Variants in SNX31 observed in about 807,000 individuals in gnomAD.
The protein encoded by SNX31 is sorting nexin-31.
A neutral mutation model predicts 65.4 loss-of-function variants in SNX31; 58 were observed. The ratio of observed to expected loss-of-function variants is 0.89; its 90% confidence interval spans 0.72 to 1.10. The LOEUF is 1.10. Ranked by LOEUF, SNX31 falls within the 50% of genes least tolerant of loss-of-function variation. The pLI, the probability that SNX31 is intolerant of heterozygous loss-of-function variation, is 0.00. For missense variants in SNX31, 523 were observed against 529.7 expected (o/e 0.99, Z 0.12); for synonymous variants, 181 against 190.1 (o/e 0.95, Z 0.39).
Position 100,641,599 on chromosome 8 carries a change from C to CATATAT in SNX31, c.142-5589_142-5588insATATAT, listed in dbSNP as rs61328718. On this transcript the variant is annotated intron_variant, in intron 2 of 13. Coordinates refer to ENST00000311812, the MANE Select transcript of SNX31 (RefSeq NM_152628.4). The stretch of plus-strand genomic sequence containing the variant: ...ATATATATATATATATATATATACA[C>CATATAT]ATACACACACACACGCACACACGCG... 7.9e-4 allele frequency among the ~76,000 whole-genome samples: 50 copies of CATATAT among 63,360 alleles called. 1 individual carries two copies. The highest frequency in any genetic ancestry group is 1.0e-3 in the Non-Finnish European group (36 of 35,272). 41.6% of individuals were successfully genotyped at this position (63,360 alleles called of 152,430 possible).
chr8:100,582,767 G>A (rs1427967866), intron 12 of SNX31, among the ~76,000 whole-genome samples: 1 of 151,858 alleles, frequency 6.6e-6, no homozygotes, highest in East Asian at 1.9e-4. Context: ...CATGAGGTCA[G>A]GAGATCGAGA....
Position 100,609,006 on chromosome 8 carries a change from C to T in SNX31, c.612-443G>A, listed in dbSNP as rs1298853084. Reference sequence around the variant, plus strand: ...AGCCTCCTTTCCAGGCTTTCTGTCTCAGCCATGTGCCCTTAATCTGATGCT... The same window carrying T: ...AGCCTCCTTTCCAGGCTTTCTGTCTTAGCCATGTGCCCTTAATCTGATGCT... On this transcript the variant is annotated intron_variant, in intron 7 of 13. Transcript: ENST00000311812. The surrounding 1 kb of genome is among the most constrained non-coding windows in gnomAD (Gnocchi z 4.9). Among the ~76,000 whole-genome samples, 2 of 152,212 alleles carry T rather than the reference C, an allele frequency of 1.3e-5. No homozygotes were observed. The highest frequency in any genetic ancestry group is 2.9e-5 in the Non-Finnish European group (2 of 68,032).
At chr8:100,607,954 G>T (rs1393940917) in intron 8 of SNX31, among the ~76,000 whole-genome samples, 1 of 152,240 alleles carries the variant, frequency 6.6e-6, no homozygotes, top group Non-Finnish European at 1.5e-5. Flanking sequence ...CCAATGGCAG[G>T]CAGGTTGCTT....
Position 100,649,459 on chromosome 8 carries a change from C to T in SNX31, c.56G>A (p.Gly19Asp), listed in dbSNP as rs774633127. 1.3e-6 allele frequency: 2 copies of T among 1,577,284 alleles called. No homozygotes were observed. The highest frequency in any genetic ancestry group is 8.6e-7 in the Non-Finnish European group (1 of 1,161,894). The change falls in exon 1 of 14, where the codon GGC (glycine) becomes GAC (aspartate). Residue 19 changes from glycine (G) to aspartate (D), a missense_variant. Transcript: ENST00000311812. ...CAGCCCTGGGCGCACCACGTAGCGG[C>T]CCCCCAGCGCGTCGGACCGCTGCTG... ...VSQQRSDALGGRYVLYSVHLD... is the reference protein window; with the variant it reads ...VSQQRSDALGDRYVLYSVHLD...
Position 100,573,696 on chromosome 8 carries a change from A to C in SNX31, c.*169T>G. 2.6e-6 allele frequency: 1 copy of C among 391,346 alleles called. No individual in the cohort carries two copies. The highest frequency in any genetic ancestry group is 4.5e-6 in the Non-Finnish European group (1 of 220,258). The allele number at this position is 391,346 out of a possible 1,614,324, so 24.2% of individuals were successfully genotyped here. On this transcript the variant is annotated 3_prime_UTR_variant, in exon 14 of 14. Transcript: ENST00000311812. ...TTTTTTTTCTAATCTTGAGATTTCCATAGAGTGCTGTGGTATAATACCTTG... is the reference window on the plus strand; with the variant it reads ...TTTTTTTTCTAATCTTGAGATTTCCCTAGAGTGCTGTGGTATAATACCTTG...
At chr8:100,597,747 C>T (rs1002211218) in intron 9 of SNX31, among the ~76,000 whole-genome samples, 2 of 152,190 alleles carry the variant, frequency 1.3e-5, no homozygotes, top group Non-Finnish European at 2.9e-5. Flanking sequence ...TAAAATTTAG[C>T]TTTTCCCTCT....
In SNX31 at chr8:100,573,911, G is replaced by A; in HGVS notation, c.1277C>T (p.Ala426Val). The change falls in exon 14 of 14, where the codon GCT (alanine) becomes GTT (valine). Residue 426 changes from alanine (A) to valine (V), a missense_variant. By Grantham distance (64) the Ala-to-Val change is moderately conservative (BLOSUM62 0). Coordinates refer to ENST00000311812, the MANE Select transcript of SNX31 (RefSeq NM_152628.4). ...FLSRKSKIKI[A>V]KDDCVFGNIK... ...GTTCCCAAAAACGCAGTCATCTTTA[G>A]CTATCTTAATCTTGCTTTTTCTTGA... 1.3e-6 allele frequency: 2 copies of A among 1,590,290 alleles called. No homozygotes were observed. The highest frequency in any genetic ancestry group is 1.7e-6 in the Non-Finnish European group (2 of 1,169,094).
chr8:100,608,686 A>G, intron 7 of SNX31, 123 bp from the exon 8 acceptor site: 1 of 797,506 alleles, frequency 1.3e-6, no homozygotes. Flanking sequence ...CAACAAAGCC[A>G]CACCTCCACT....
Position 100,578,102 on chromosome 8 carries a change from G to A in SNX31, c.1171-1027C>T, listed in dbSNP as rs1417641515. On this transcript the variant is annotated intron_variant, in intron 12 of 13. Coordinates refer to ENST00000311812, the MANE Select transcript of SNX31 (RefSeq NM_152628.4). The surrounding 1 kb of genome is among the most constrained non-coding windows in gnomAD (Gnocchi z 4.7). ...CTGGGCTGCATGCAGCCCGCAGGCTGTGGGTTGGACAAGCTTGAGTTATCC... is the reference window on the plus strand; with the variant it reads ...CTGGGCTGCATGCAGCCCGCAGGCTATGGGTTGGACAAGCTTGAGTTATCC... 6.6e-6 allele frequency among the ~76,000 whole-genome samples: 1 copy of A among 152,246 alleles called. No individual in the cohort carries two copies. The highest frequency in any genetic ancestry group is 1.5e-5 in the Non-Finnish European group (1 of 68,048).
chr8:100,609,049 T>G lies in SNX31; in HGVS notation c.612-486A>C, dbSNP rs75585900. ...CTGATGCTCCACATTCTAACCAGAG[T>G]GGTCTTTCCTGTGAAACTTTTCAGA... On this transcript the variant is annotated intron_variant, in intron 7 of 13. Transcript: ENST00000311812. This position sits in a 1 kb window ranked among gnomAD's most constrained non-coding sequence, Gnocchi z 4.9. Among the ~76,000 whole-genome samples, 2,822 of 152,194 alleles carry G rather than the reference T, an allele frequency of 0.019. 101 individuals carry two copies. The highest frequency in any genetic ancestry group is 0.062 in the African/African-American group (2,554 of 41,512).
chr8:100,659,353 CA>C (rs148671568), intron 1 of SNX31, among the ~76,000 whole-genome samples: 2,321 of 71,432 alleles, frequency 0.032, 23 homozygotes, highest in African/African-American at 0.082. Context: ...AACTCCATCA[CA>C]AAAAAAAAAA....
chr8:100,595,942 G>C (rs1165580428), intron 10 of SNX31, among the ~76,000 whole-genome samples: 2 of 152,194 alleles, frequency 1.3e-5, no homozygotes, highest in Non-Finnish European at 2.9e-5. Context: ...GGGGAGAAAG[G>C]AGAGAGATCT....
Position 100,648,086 on chromosome 8 carries a change from C to A in SNX31, c.141+1188G>T, listed in dbSNP as rs905556572. ...TGACTCCAAAGATACTTAATCACAC[C>A]TTGAAAATGGACTTTTCCAATGCAC... On this transcript the variant is annotated intron_variant, in intron 2 of 13. Coordinates refer to ENST00000311812, the MANE Select transcript of SNX31 (RefSeq NM_152628.4). This position sits in a 1 kb window ranked among gnomAD's most constrained non-coding sequence, Gnocchi z 4.3. Among the ~76,000 whole-genome samples, 2 of 152,188 alleles carry A rather than the reference C, an allele frequency of 1.3e-5. No homozygotes were observed. Among genetic ancestry groups the A allele is most frequent in the African/African-American group, 2.4e-5 (1 of 41,440 alleles).
At chr8:100,662,936 A>T (rs113558451) in intron 1 of SNX31, among the ~76,000 whole-genome samples, 16 of 152,254 alleles carry the variant, frequency 1.1e-4, no homozygotes, top group African/African-American at 3.9e-4. Context: ...CTCTACTATT[A>T]AAAAAACAAG....
At chr8:100,652,227 C>T (rs573821105), upstream of SNX31, among the ~76,000 whole-genome samples, 1 of 152,348 alleles carries the variant, frequency 6.6e-6, no homozygotes, top group South Asian at 2.1e-4. Context: ...ATCTACCCGC[C>T]TCGGCCTCCC....
chr8:100,615,409 C>A (rs142095117), intron 5 of SNX31, among the ~76,000 whole-genome samples: 11 of 152,166 alleles, frequency 7.2e-5, no homozygotes, highest in Admixed American at 3.3e-4. Flanking sequence ...GTCTCGGGAA[C>A]GTGAACTATT....
chr8:100,618,156 G>C (rs573326424), intron 4 of SNX31: 1 of 985,186 alleles, frequency 1.0e-6, no homozygotes, highest in African/African-American at 1.7e-5. Context: ...GGTACCCAAA[G>C]TTCCCAAGAG....
At position 100,625,887 on chromosome 8, in the gene SNX31, T is replaced by C. The variant is rs1192461392; in HGVS notation, c.321+4440A>G. On this transcript the variant is annotated intron_variant, in intron 4 of 13. Transcript: ENST00000311812. The surrounding 1 kb of genome is among the most constrained non-coding windows in gnomAD (Gnocchi z 4.2). Reference sequence around the variant, plus strand: ...CTTTGCAAAAAGCAATCTCTCAGCATGGCTGGGGAAAGAAAAGGGACTGGC... The same window carrying C: ...CTTTGCAAAAAGCAATCTCTCAGCACGGCTGGGGAAAGAAAAGGGACTGGC... Among the ~76,000 whole-genome samples, 4 of 152,204 alleles carry C rather than the reference T, an allele frequency of 2.6e-5. No individual in the cohort carries two copies. Among genetic ancestry groups the C allele is most frequent in the African/African-American group, 7.2e-5 (3 of 41,458 alleles).
chr8:100,616,653 A>G (rs185728235), intron 5 of SNX31, among the ~76,000 whole-genome samples: 208 of 152,344 alleles, frequency 1.4e-3, no homozygotes, highest in Non-Finnish European at 2.2e-3. Context: ...TAGCTGGGAA[A>G]CAATGAGGGC....
Sources: gnomAD v4.1 joint callset for allele counts (sites outside exome capture counted in the v4.1 genomes callset) on GRCh38, gnomAD v4.1.1 for gene constraint, Gnocchi (gnomAD v3.1) non-coding constraint, MANE v1.5 for transcripts, NCBI Gene and HGNC (gene_info 2026-07-23, HGNC 2026-07-21) for gene names.